The following CNTN4 variants were observed in gnomAD, a reference collection of about 807,000 sequenced individuals.
CNTN4 encodes contactin-4.
In CNTN4, 77 loss-of-function variants were observed where a neutral mutation model predicts 122.5. The observed-to-expected ratio is 0.63, with a 90% CI of 0.52 to 0.76. The LOEUF (loss-of-function observed/expected upper bound fraction) is 0.76, where lower values mean the gene tolerates loss of function less well. Ranked by LOEUF, CNTN4 falls within the 30% of genes least tolerant of loss-of-function variation. The pLI is 0.00. For missense variants in CNTN4, 1,256 were observed against 1,259.1 expected, an observed-to-expected ratio of 1.00 and a Z score of 0.04; for synonymous variants, 512 against 447.0, an observed-to-expected ratio of 1.15 and a Z score of -1.83.
chr3:2,176,323 T>C (rs906725382), intron 2 of CNTN4, among the ~76,000 whole-genome samples: 1 of 152,180 alleles, frequency 6.6e-6, no homozygotes, highest in Non-Finnish European at 1.5e-5. Flanking sequence ...TATGTACTTA[T>C]TAATGAGTTT....
chr3:2,637,196 C>G (rs960351867), intron 4 of CNTN4, among the ~76,000 whole-genome samples: 3 of 152,084 alleles, frequency 2.0e-5, no homozygotes, highest in African/African-American at 7.2e-5. Context: ...CCTGCTTTGG[C>G]TTTTCAAAGT....
chr3:2,232,141 C>T (rs1245543177), intron 2 of CNTN4, among the ~76,000 whole-genome samples: 1 of 152,094 alleles, frequency 6.6e-6, no homozygotes, highest in Non-Finnish European at 1.5e-5. Context: ...ATCACATCAT[C>T]ATCGTCATCC....
At chr3:2,721,072 A>G (rs1006230156) in intron 4 of CNTN4, among the ~76,000 whole-genome samples, 2 of 152,136 alleles carry the variant, frequency 1.3e-5, no homozygotes, top group African/African-American at 2.4e-5. Context: ...TCCCAGGTTC[A>G]GCAATTCTCG....
chr3:2,273,301 G>A (rs561087700), intron 2 of CNTN4, among the ~76,000 whole-genome samples: 198 of 152,158 alleles, frequency 1.3e-3, no homozygotes, highest in African/African-American at 4.0e-3. Context: ...GTAACTTTTC[G>A]AAGACTCTCA....
chr3:2,211,509 CTA>C (rs1179447147), intron 2 of CNTN4, among the ~76,000 whole-genome samples: 1 of 152,134 alleles, frequency 6.6e-6, no homozygotes, highest in East Asian at 1.9e-4. Flanking sequence ...CAATAGAAAA[CTA>C]TGTGTACGTT....
At chr3:2,276,131 C>T (rs1330915847) in intron 2 of CNTN4, among the ~76,000 whole-genome samples, 1 of 151,604 alleles carries the variant, frequency 6.6e-6, no homozygotes, top group Non-Finnish European at 1.5e-5. Context: ...ACATTATCTG[C>T]ATTATAATTT....
chr3:2,680,120 CAATTTAT>C (rs2085086536), intron 4 of CNTN4, among the ~76,000 whole-genome samples: 2 of 152,108 alleles, frequency 1.3e-5, no homozygotes, highest in Admixed American at 1.3e-4. Flanking sequence ...CTGCCTTCAG[CAATTTAT>C]AATACAATAC....
chr3:2,424,445 T>A (rs948781456), intron 3 of CNTN4, among the ~76,000 whole-genome samples: 2 of 152,204 alleles, frequency 1.3e-5, no homozygotes, highest in African/African-American at 4.8e-5. Flanking sequence ...TGTGCCACAT[T>A]TTCTTAAGCC....
intron 15 of CNTN4, among the ~76,000 whole-genome samples, chr3:3,029,035 C>A (rs1294429146): frequency 6.6e-6 from 1 of 152,166 alleles, no homozygotes; most frequent in East Asian, 1.9e-4. Context: ...TCCCCTGTGT[C>A]TACCAAAGGA....
chr3:2,375,354 ATTTC>A (rs1362932827), intron 3 of CNTN4, among the ~76,000 whole-genome samples: 1 of 152,034 alleles, frequency 6.6e-6, no homozygotes, highest in African/African-American at 2.4e-5. Context: ...TTTCCCTCTC[ATTTC>A]TTTCTTTTTC....
chr3:2,278,100 T>C (rs542558806), intron 2 of CNTN4, among the ~76,000 whole-genome samples: 70 of 152,270 alleles, frequency 4.6e-4, no homozygotes, highest in African/African-American at 1.6e-3. Context: ...TCATTAAATG[T>C]CTAAGAAATA....
At chr3:2,403,230 A>G (rs560848253) in intron 3 of CNTN4, among the ~76,000 whole-genome samples, 19 of 152,112 alleles carry the variant, frequency 1.2e-4, no homozygotes, top group African/African-American at 4.1e-4. Flanking sequence ...CTCCAGTATG[A>G]CCTCATCCCT....
At chr3:2,116,275 A>G (rs1287773762) in intron 2 of CNTN4, among the ~76,000 whole-genome samples, 1 of 152,100 alleles carries the variant, frequency 6.6e-6, no homozygotes, top group Non-Finnish European at 1.5e-5. Context: ...ATACATCTCA[A>G]AGCTTAGACA....
At chr3:2,172,252 C>A (rs555145816) in intron 2 of CNTN4, among the ~76,000 whole-genome samples, 1 of 152,060 alleles carries the variant, frequency 6.6e-6, no homozygotes, top group African/African-American at 2.4e-5. Context: ...TCTTTTTCAG[C>A]AACTTAGATG....
intron 2 of CNTN4, among the ~76,000 whole-genome samples, chr3:2,176,289 G>A (rs1223095816): frequency 2.0e-5 from 3 of 152,108 alleles, no homozygotes; most frequent in Non-Finnish European, 4.4e-5. Flanking sequence ...GTAAGGAATA[G>A]CAGAATATAA....
At chr3:2,964,601 C>T (rs1692110679) in intron 13 of CNTN4, among the ~76,000 whole-genome samples, 1 of 152,048 alleles carries the variant, frequency 6.6e-6, no homozygotes, top group Non-Finnish European at 1.5e-5. Flanking sequence ...CTTATAAGCT[C>T]CCATATGTGA....
At chr3:2,270,192 A>C (rs372388840) in intron 2 of CNTN4, among the ~76,000 whole-genome samples, 2,456 of 38,034 alleles carry the variant, frequency 0.065, 730 homozygotes, top group South Asian at 0.19. Context: ...CTCATGATCC[A>C]CCCGCCTCGG....
intron 4 of CNTN4, among the ~76,000 whole-genome samples, chr3:2,594,571 A>G (rs993858428): frequency 2.0e-5 from 3 of 152,094 alleles, no homozygotes; most frequent in African/African-American, 7.2e-5. Flanking sequence ...GGCATGTGCC[A>G]CCACACCCGG....
chr3:2,150,327 T>G (rs2035441537), intron 2 of CNTN4, among the ~76,000 whole-genome samples: 1 of 152,256 alleles, frequency 6.6e-6, no homozygotes, highest in Non-Finnish European at 1.5e-5. Context: ...ATTAGTTGTT[T>G]ATTAATTGTA....
Sources: gnomAD v4.1 joint callset for allele counts (sites outside exome capture counted in the v4.1 genomes callset) on GRCh38, gnomAD v4.1.1 for gene constraint, MANE v1.5 for transcripts, NCBI Gene and HGNC (gene_info 2026-07-23, HGNC 2026-07-21) for gene names.